CD86: variants seen among roughly 807,000 people sequenced by gnomAD.
The protein encoded by CD86 is T-lymphocyte activation antigen CD86.
A neutral mutation model predicts 32.1 loss-of-function variants in CD86; 11 were observed. The observed-to-expected ratio is 0.34, with a 90% CI of 0.22 to 0.57. CD86 has a LOEUF of 0.57. CD86 is among the 20% of genes least tolerant of loss of function. The pLI is 0.86. For missense variants in CD86, 359 were observed against 398.4 expected (o/e 0.90, Z 0.84); for synonymous variants, 137 against 135.3 (o/e 1.01, Z -0.09).
intron 5 of CD86, among the ~76,000 whole-genome samples, chr3:122,112,201 A>G (rs1473790225): frequency 6.6e-6 from 1 of 152,184 alleles, no homozygotes; most frequent in African/African-American, 2.4e-5. Flanking sequence ...CCTAGCAACA[A>G]CGGTTTTTAC....
chr3:122,069,282 T>TA (rs35736887), intron 1 of CD86, among the ~76,000 whole-genome samples: 2,343 of 144,276 alleles, frequency 0.016, 41 homozygotes, highest in African/African-American at 0.04. Context: ...TGAAGGAAAT[T>TA]AAAAAAAAAA....
chr3:122,107,124 T>C (rs1220393453), intron 4 of CD86, among the ~76,000 whole-genome samples: 2 of 152,222 alleles, frequency 1.3e-5, no homozygotes, highest in African/African-American at 4.8e-5. Context: ...ATGAGATTTA[T>C]GGGCATTCAG....
intron 3 of CD86, 138 bp downstream of exon 3, chr3:122,103,985 C>A: frequency 1.5e-6 from 1 of 666,690 alleles, no homozygotes; most frequent in Non-Finnish European, 2.6e-6. Context: ...AGGACAGCCA[C>A]TTCTGGGAAG....
chr3:122,077,088 G>A (rs370559523), intron 1 of CD86, among the ~76,000 whole-genome samples: 7 of 152,190 alleles, frequency 4.6e-5, no homozygotes, highest in Non-Finnish European at 8.8e-5. Flanking sequence ...TGCCCAGAGG[G>A]TGCTGCTTCT....
intron 2 of CD86, among the ~76,000 whole-genome samples, chr3:122,093,368 G>A (rs538186755): frequency 9.9e-5 from 15 of 152,170 alleles, no homozygotes; most frequent in African/African-American, 1.4e-4. Flanking sequence ...GTCATGAATC[G>A]TTTAACAACA....
intron 2 of CD86, among the ~76,000 whole-genome samples, chr3:122,096,490 G>A (rs755505267): frequency 2.0e-5 from 3 of 150,728 alleles, no homozygotes; most frequent in East Asian, 1.9e-4. Flanking sequence ...ATTTTATGTC[G>A]ATAGACATTG....
intron 5 of CD86, 118 bp from the exon 6 acceptor site, chr3:122,117,930 T>C: frequency 1.3e-6 from 1 of 794,426 alleles, no homozygotes; most frequent in Non-Finnish European, 2.1e-6. Context: ...ATCTCTTCCA[T>C]ATATAAAGTC....
chr3:122,109,174 A>C (rs2073135659), intron 4 of CD86, 91 bp from the exon 5 acceptor site: 2 of 1,339,614 alleles, frequency 1.5e-6, no homozygotes, highest in Admixed American at 4.3e-5. Flanking sequence ...CCCTGGGGAG[A>C]GGCTGGCAGG....
chr3:122,114,127 T>C (rs1053454963), intron 5 of CD86, among the ~76,000 whole-genome samples: 2 of 151,952 alleles, frequency 1.3e-5, no homozygotes, highest in Non-Finnish European at 2.9e-5. Context: ...GGCAGGCACC[T>C]GTAATCCCAG....
chr3:122,062,680 C>T (rs1312926847), intron 1 of CD86, among the ~76,000 whole-genome samples: 1 of 152,078 alleles, frequency 6.6e-6, no homozygotes, highest in Non-Finnish European at 1.5e-5. Flanking sequence ...GTTAATAAAT[C>T]ATCTTCTATT....
Position 122,086,171 on chromosome 3 carries a change from C to T in CD86, c.15-5430C>T, listed in dbSNP as rs1559904357. On this transcript the variant is annotated intron_variant, in intron 1 of 6. Coordinates refer to ENST00000330540, the MANE Select transcript of CD86 (RefSeq NM_175862.5). ...CCCTCAATCTCTAGAACAAGTCTGACACTGAGTAGATGTAGCAAATGTTTG... is the reference window on the plus strand; with the variant it reads ...CCCTCAATCTCTAGAACAAGTCTGATACTGAGTAGATGTAGCAAATGTTTG... Among the ~76,000 whole-genome samples the T allele has an allele frequency of 2.0e-5, 3 of 152,218 alleles. No homozygotes were observed. The East Asian group carries it at 5.8e-4, about 29-fold the overall frequency.
At position 122,071,303 on chromosome 3, in the gene CD86, C is replaced by G. The variant is rs188342116; in HGVS notation, c.14+15800C>G. Reference sequence around the variant, plus strand: ...GTTGACCCTTCCCACCCCTCCCCAACCCCTGGAAACCACTGATCTTTTTAC... The same window carrying G: ...GTTGACCCTTCCCACCCCTCCCCAAGCCCTGGAAACCACTGATCTTTTTAC... On this transcript the variant is annotated intron_variant, in intron 1 of 6. Coordinates refer to ENST00000330540, the MANE Select transcript of CD86 (RefSeq NM_175862.5). 2.8e-3 allele frequency among the ~76,000 whole-genome samples: 408 copies of G among 148,318 alleles called. 1 individual carries two copies. Among genetic ancestry groups the G allele is most frequent in the African/African-American group, 9.6e-3 (391 of 40,928 alleles).
At position 122,077,874 on chromosome 3, in the gene CD86, T is replaced by C. The variant is rs1416311948; in HGVS notation, c.15-13727T>C. 3.0e-6 allele frequency: 3 copies of C among 985,364 alleles called. No homozygotes were observed. The African/African-American group carries it at 5.2e-5, about 17-fold the overall frequency. 61.0% of individuals were successfully genotyped at this position (985,364 alleles called of 1,614,324 possible). ...CCCTTTCTGTATTTGAGTTCTACCG[T>C]CAGTCCTGGCATTATTTCTCTCTCT... On this transcript the variant is annotated intron_variant, in intron 1 of 6. Coordinates refer to ENST00000330540, the MANE Select transcript of CD86 (RefSeq NM_175862.5).
At chr3:122,074,952 A>G (rs2072536601) in intron 1 of CD86, among the ~76,000 whole-genome samples, 1 of 151,984 alleles carries the variant, frequency 6.6e-6, no homozygotes, top group South Asian at 2.1e-4. Context: ...CAAGGACAAC[A>G]CTGTTGACCA....
At chr3:122,081,334 G>GAAAAGCATC (rs2072630951) in intron 1 of CD86, among the ~76,000 whole-genome samples, 1 of 152,112 alleles carries the variant, frequency 6.6e-6, no homozygotes, top group Non-Finnish European at 1.5e-5. Context: ...ATATACCAAT[G>GAAAAGCATC]AAAAGCATCA....
chr3:122,112,389 A>G (rs1352467998), intron 5 of CD86, among the ~76,000 whole-genome samples: 1 of 151,748 alleles, frequency 6.6e-6, no homozygotes, highest in Admixed American at 6.6e-5. Flanking sequence ...CGATCTCAGC[A>G]CACTGCAACC....
intron 1 of CD86, among the ~76,000 whole-genome samples, chr3:122,059,017 T>C (rs1320633981): frequency 6.6e-6 from 1 of 152,052 alleles, no homozygotes; most frequent in Non-Finnish European, 1.5e-5. Context: ...ATGGAAGGTA[T>C]AGGAAGCAGA....
At chr3:122,075,551 C>A (rs2072544197) in intron 1 of CD86, among the ~76,000 whole-genome samples, 1 of 152,110 alleles carries the variant, frequency 6.6e-6, no homozygotes. Flanking sequence ...GTGAATTTCC[C>A]AACCTGACAA....
chr3:122,096,854 T>C (rs567857692), intron 2 of CD86, among the ~76,000 whole-genome samples: 34 of 152,366 alleles, frequency 2.2e-4, no homozygotes, highest in Non-Finnish European at 3.5e-4. Flanking sequence ...CATTATTTGT[T>C]AAACCATTTA....
Sources: gnomAD v4.1 joint callset for allele counts (sites outside exome capture counted in the v4.1 genomes callset) on GRCh38, gnomAD v4.1.1 for gene constraint, MANE v1.5 for transcripts, NCBI Gene and HGNC (gene_info 2026-07-23, HGNC 2026-07-21) for gene names.